The following CNOT1 variants were observed in gnomAD, a reference collection of about 807,000 sequenced individuals.
The protein encoded by CNOT1 is CCR4-associated factor 1.
CNOT1 carries 15 observed loss-of-function variants against 273.8 expected under a neutral mutation model. The ratio of observed to expected loss-of-function variants is 0.05; its 90% CI spans 0.04 to 0.08. The LOEUF is 0.08. CNOT1 is among the 10% of genes least tolerant of loss of function. CNOT1 has a pLI of 1.00. For missense variants in CNOT1, 1,644 were observed against 2,912.2 expected, an observed-to-expected ratio of 0.56 and a Z score of 10.02; for synonymous variants, 1,022 against 1,005.5, an observed-to-expected ratio of 1.02 and a Z score of -0.31.
At chr16:58,552,197 T>C (rs536398266) in intron 22 of CNOT1, among the ~76,000 whole-genome samples, 138 of 151,290 alleles carry the variant, frequency 9.1e-4, no homozygotes, top group Middle Eastern at 3.4e-3. Context: ...ACAAAAACCA[T>C]GGTAGTATGA....
At chr16:58,594,860 T>C (rs1302550950) in intron 2 of CNOT1, among the ~76,000 whole-genome samples, 1 of 150,656 alleles carries the variant, frequency 6.6e-6, no homozygotes, top group African/African-American at 2.4e-5. Flanking sequence ...CTCACGCCTG[T>C]AATCCCAGCA....
intron 16 of CNOT1, among the ~76,000 whole-genome samples, chr16:58,562,479 T>TA (rs1295212713): frequency 2.0e-5 from 3 of 147,020 alleles, no homozygotes; most frequent in Non-Finnish European, 4.5e-5. Flanking sequence ...ACTCCAGTCT[T>TA]AGAGAAAGAA....
At chr16:58,527,546 C>A (rs1232758888) in intron 44 of CNOT1, among the ~76,000 whole-genome samples, 1 of 151,454 alleles carries the variant, frequency 6.6e-6, no homozygotes, top group Non-Finnish European at 1.5e-5. Context: ...TAAATAAATA[C>A]AAATAAATAA....
chr16:58,566,649 T>C (rs1391770793), intron 16 of CNOT1, among the ~76,000 whole-genome samples: 1 of 152,190 alleles, frequency 6.6e-6, no homozygotes, highest in African/African-American at 2.4e-5. Flanking sequence ...TGTGGAATGT[T>C]TAGCCAGTAT....
intron 3 of CNOT1, 61 bp downstream of exon 3, chr16:58,588,738 T>G: frequency 6.4e-7 from 1 of 1,573,882 alleles, no homozygotes; most frequent in Non-Finnish European, 8.6e-7. Flanking sequence ...ACATACACTA[T>G]GCCCAAAATT....
At chr16:58,588,695 C>A in intron 3 of CNOT1, 104 bp downstream of exon 3, 9 of 1,406,928 alleles carry the variant, frequency 6.4e-6, no homozygotes, top group Non-Finnish European at 8.8e-6. Context: ...GCTACAATCA[C>A]TTCCGGATGC....
chr16:58,603,372 G>A (rs1018806093), intron 1 of CNOT1, among the ~76,000 whole-genome samples: 2 of 149,728 alleles, frequency 1.3e-5, no homozygotes, highest in African/African-American at 4.9e-5. Flanking sequence ...TTCCAGCCTG[G>A]GATAACATAC....
Position 58,520,186 on chromosome 16 carries a change from T to G in CNOT1, c.*772A>C, listed in dbSNP as rs1186148614. On this transcript the variant is annotated 3_prime_UTR_variant, in exon 49 of 49. Coordinates refer to ENST00000317147, the MANE Select transcript of CNOT1 (RefSeq NM_016284.5). ...GGGGAGAACAATTAATTAATGAGAT[T>G]TGGTTCCCTTTCCTATATTCCCACT... is the stretch of plus-strand genomic sequence containing the variant. The G allele has an allele frequency of 1.3e-5, 2 of 152,094 alleles. No homozygotes were observed. The highest frequency in any genetic ancestry group is 4.8e-5 in the African/African-American group (2 of 41,386). The allele number at this position is 152,094 out of a possible 1,614,324, so 9.4% of individuals were successfully genotyped here.
chr16:58,580,028 G>A (rs746142177), intron 12 of CNOT1, among the ~76,000 whole-genome samples: 18 of 152,108 alleles, frequency 1.2e-4, no homozygotes, highest in Non-Finnish European at 8.8e-5. Flanking sequence ...TTGCCAACAT[G>A]GTAAAACCTC....
At chr16:58,619,085 CACTGACTGGGGAG>C (rs988481224) in intron 1 of CNOT1, among the ~76,000 whole-genome samples, 4 of 152,016 alleles carry the variant, frequency 2.6e-5, no homozygotes, top group Non-Finnish European at 4.4e-5. Context: ...TAGTCCCAGC[CACTGACTGGGGAG>C]ACTGAGGTGG....
intron 33 of CNOT1, 76 bp downstream of exon 33, chr16:58,542,155 G>A (rs1692730675): frequency 6.5e-7 from 1 of 1,547,214 alleles, no homozygotes; most frequent in Non-Finnish European, 8.8e-7. Flanking sequence ...CCTAATTCCA[G>A]TAAGGAGTTC....
intron 13 of CNOT1, among the ~76,000 whole-genome samples, chr16:58,577,472 A>G (rs1052786111): frequency 6.6e-6 from 1 of 152,252 alleles, no homozygotes; most frequent in African/African-American, 2.4e-5. Context: ...AACTAAGGCT[A>G]ACATTTTTCA....
intron 24 of CNOT1, 143 bp downstream of exon 24, chr16:58,550,988 AC>A (rs1179656065): frequency 1.4e-5 from 20 of 1,425,454 alleles, no homozygotes; most frequent in Non-Finnish European, 1.8e-5. Flanking sequence ...TTTAATGTCT[AC>A]CAAACCCACT....
chr16:58,622,979 C>A (rs1438540130), intron 1 of CNOT1, among the ~76,000 whole-genome samples: 1 of 152,062 alleles, frequency 6.6e-6, no homozygotes, highest in African/African-American at 2.4e-5. Flanking sequence ...AGGCAGATCA[C>A]CTGAGGTCAG....
At chr16:58,560,518 T>C (rs561173707) in intron 16 of CNOT1, among the ~76,000 whole-genome samples, 156 bp from the exon 17 acceptor site, 11 of 152,132 alleles carry the variant, frequency 7.2e-5, no homozygotes, top group Non-Finnish European at 1.5e-4. Context: ...CTGCAACCTC[T>C]GCCCCCCGGG....
intron 17 of CNOT1, chr16:58,559,651 C>G: frequency 3.2e-6 from 1 of 311,686 alleles, no homozygotes; most frequent in Non-Finnish European, 6.7e-6. Flanking sequence ...AAGCAAATGC[C>G]TTTTATAGGG....
At chr16:58,531,930 A>G in intron 42 of CNOT1, 28 bp downstream of exon 42, 1 of 1,612,982 alleles carries the variant, frequency 6.2e-7, no homozygotes, top group Non-Finnish European at 8.5e-7. Flanking sequence ...TATAGTCTTC[A>G]TCTACAGGAG....
intron 2 of CNOT1, among the ~76,000 whole-genome samples, chr16:58,594,169 G>A (rs1344123920): frequency 2.0e-5 from 3 of 152,002 alleles, no homozygotes; most frequent in Non-Finnish European, 4.4e-5. Flanking sequence ...GCTTGAACCC[G>A]GGAGGCGGAG....
At chr16:58,575,193 T>G in intron 14 of CNOT1, 64 bp from the exon 15 acceptor site, 1 of 1,567,490 alleles carries the variant, frequency 6.4e-7, no homozygotes, top group Non-Finnish European at 8.6e-7. Context: ...CTGTCCCATA[T>G]TCTGTTTTTC....
Sources: gnomAD v4.1 joint callset for allele counts (sites outside exome capture counted in the v4.1 genomes callset) on GRCh38, gnomAD v4.1.1 for gene constraint, MANE v1.5 for transcripts, NCBI Gene and HGNC (gene_info 2026-07-23, HGNC 2026-07-21) for gene names.